SRR: variants seen among roughly 807,000 people sequenced by gnomAD.
SRR encodes the protein D-serine ammonia-lyase.
In SRR, 19 loss-of-function variants were observed where a neutral mutation model predicts 32.7. That is an observed-to-expected ratio of 0.58 (90% CI 0.40 to 0.85). The LOEUF (loss-of-function observed/expected upper bound fraction) is 0.85. Among genes scored for constraint, SRR ranks in the 40% least tolerant of loss-of-function variants. The pLI is 0.00. For synonymous variants in SRR, 142 were observed against 140.9 expected, an observed-to-expected ratio of 1.01 and a Z score of -0.06; for missense variants, 373 against 404.7, an observed-to-expected ratio of 0.92 and a Z score of 0.67.
chr17:2,323,016 C>A, intron 6 of SRR, 120 bp from the exon 7 acceptor site: 1 of 1,009,570 alleles, frequency 9.9e-7, no homozygotes, highest in Non-Finnish European at 1.5e-6. Context: ...CCACCCGCCT[C>A]GGGCTCCCAA....
At chr17:2,314,237 G>T (rs1240113770) in intron 1 of SRR, among the ~76,000 whole-genome samples, 1 of 151,728 alleles carries the variant, frequency 6.6e-6, no homozygotes, top group African/African-American at 2.4e-5. Context: ...ATCACCTGAG[G>T]TCGGGAGTTC....
chr17:2,307,117 C>A, intron 1 of SRR: 1 of 1,132,066 alleles, frequency 8.8e-7, no homozygotes, highest in Non-Finnish European at 1.3e-6. Context: ...TGAAGAATAT[C>A]ACCTAAGTGA....
intron 4 of SRR, 74 bp from the exon 5 acceptor site, chr17:2,321,232 C>A: frequency 6.4e-7 from 1 of 1,556,374 alleles, no homozygotes; most frequent in Non-Finnish European, 8.7e-7. Flanking sequence ...CAATAAAATG[C>A]TGAATGACCA....
chr17:2,320,797 A>T (rs934207416), intron 4 of SRR, among the ~76,000 whole-genome samples: 22 of 150,210 alleles, frequency 1.5e-4, no homozygotes, highest in Admixed American at 1.3e-3. Flanking sequence ...CCTGACCTGA[A>T]GTGATCTGCC....
chr17:2,318,619 A>ATTTTTTTTTT (rs35847724), intron 3 of SRR, among the ~76,000 whole-genome samples: 152 of 92,518 alleles, frequency 1.6e-3, no homozygotes, highest in East Asian at 7.0e-3. Context: ...ATGCCTGGCT[A>ATTTTTTTTTT]TTTTTTTTTT....
intron 4 of SRR, among the ~76,000 whole-genome samples, chr17:2,319,752 C>T (rs767882398): frequency 2.6e-5 from 4 of 152,164 alleles, no homozygotes; most frequent in African/African-American, 7.2e-5. Context: ...CTGCATCCAC[C>T]CTTGCCACAC....
intron 4 of SRR, 103 bp from the exon 5 acceptor site, chr17:2,321,203 T>C: frequency 1.5e-6 from 2 of 1,376,930 alleles, no homozygotes; most frequent in South Asian, 2.6e-5. Context: ...CTGAACAAAG[T>C]GTGAAAAAAG....
chr17:2,309,120 AAATAAT>A (rs912683981), intron 1 of SRR, among the ~76,000 whole-genome samples: 4 of 152,004 alleles, frequency 2.6e-5, no homozygotes, highest in South Asian at 4.2e-4. Context: ...CTCCATCTCA[AAATAAT>A]AATAATAATA....
chr17:2,303,510 G>A (rs1356788079), upstream of SRR: 5 of 1,329,882 alleles, frequency 3.8e-6, no homozygotes, highest in Non-Finnish European at 4.8e-6. Flanking sequence ...CGGCCCCAGC[G>A]CCTACTGCTG....
chr17:2,310,806 G>T (rs1437735728), intron 1 of SRR, among the ~76,000 whole-genome samples: 1 of 152,014 alleles, frequency 6.6e-6, no homozygotes, highest in Non-Finnish European at 1.5e-5. Context: ...GAGTGCAGTG[G>T]CATGATCTTG....
chr17:2,305,818 C>T (rs1333548631), intron 1 of SRR, among the ~76,000 whole-genome samples: 1 of 151,980 alleles, frequency 6.6e-6, no homozygotes, highest in African/African-American at 2.4e-5. Context: ...TTGCCTCAGC[C>T]TCCTGAGTAG....
At chr17:2,312,207 C>A (rs568848590) in intron 1 of SRR, among the ~76,000 whole-genome samples, 8 of 136,128 alleles carry the variant, frequency 5.9e-5, no homozygotes, top group Non-Finnish European at 9.7e-5. Context: ...CAGAGTGAGA[C>A]CTTATCTAAA....
chr17:2,322,683 T>A (rs1219222873), intron 6 of SRR: 2 of 154,040 alleles, frequency 1.3e-5, no homozygotes, highest in Non-Finnish European at 2.9e-5. Context: ...TTTTGTTTTT[T>A]TTTTTTGTAT....
In SRR at chr17:2,315,662, G is replaced by C; in HGVS notation, c.102G>C (p.Leu34Phe). The C allele has an allele frequency of 6.2e-7, 1 of 1,613,986 alleles. No individual in the cohort carries two copies. Among genetic ancestry groups the C allele is most frequent in the Non-Finnish European group, 8.5e-7 (1 of 1,180,006 alleles). The change falls in exon 2 of 8, where the codon TTG becomes TTC. Residue 34 changes from leucine (L) to phenylalanine (F), a missense_variant. By Grantham distance (22) the Leu-to-Phe change is conservative (BLOSUM62 0). Coordinates refer to ENST00000344595, the MANE Select transcript of SRR (RefSeq NM_021947.3). The stretch of plus-strand genomic sequence containing the variant: ...CACCAGTGCTAACAAGCTCCATTTT[G>C]AATCAACTAACAGGGCGCAATCTTT... ...HLTPVLTSSI[L>F]NQLTGRNLFF...
intron 1 of SRR, among the ~76,000 whole-genome samples, chr17:2,312,214 TAAA>T (rs57198538): frequency 1.7e-5 from 2 of 119,546 alleles, no homozygotes; most frequent in Non-Finnish European, 3.4e-5. Context: ...AGACCTTATC[TAAA>T]AAAAAAAAAA....
intron 3 of SRR, among the ~76,000 whole-genome samples, 183 bp downstream of exon 3, chr17:2,318,179 C>T (rs2075493321): frequency 2.0e-5 from 3 of 152,084 alleles, no homozygotes; most frequent in South Asian, 4.1e-4. Flanking sequence ...CAGAATCTTG[C>T]TGTCACCCAG....
intron 7 of SRR, 150 bp from the exon 8 acceptor site, chr17:2,323,505 A>C: frequency 2.6e-6 from 3 of 1,144,488 alleles, no homozygotes; most frequent in Non-Finnish European, 3.7e-6. Flanking sequence ...CTCTTGACAG[A>C]AGCAGAGTCA....
chr17:2,318,965 T>C, intron 4 of SRR, 36 bp downstream of exon 4: 1 of 1,444,732 alleles, frequency 6.9e-7, no homozygotes, highest in Non-Finnish European at 9.7e-7. Context: ...CCTTAACAGC[T>C]TTCATTTGAC....
intron 1 of SRR, chr17:2,307,471 C>G (rs1010514325): frequency 1.9e-5 from 27 of 1,432,824 alleles, no homozygotes; most frequent in South Asian, 1.1e-4. Flanking sequence ...TGGTGGATAT[C>G]GTGCAGTGGG....
Sources: allele counts gnomAD v4.1 joint callset (sites outside exome capture counted in the v4.1 genomes callset), GRCh38; gene constraint gnomAD v4.1.1; transcripts MANE v1.5; gene names NCBI Gene and HGNC (gene_info 2026-07-23, HGNC 2026-07-21).